Variants in PRKCE observed in about 807,000 individuals in gnomAD.
PRKCE encodes protein kinase C epsilon, also known as protein kinase C epsilon type.
In PRKCE, 16 loss-of-function variants were observed where a neutral mutation model predicts 85.4. The observed-to-expected ratio is 0.19, with a 90% CI of 0.13 to 0.28. The LOEUF is 0.28. Ranked by LOEUF, PRKCE falls within the 10% of genes least tolerant of loss-of-function variation. The pLI is 1.00. For missense variants in PRKCE, 573 were observed against 975.2 expected, an observed-to-expected ratio of 0.59 and a Z score of 5.49; for synonymous variants, 388 against 371.5, an observed-to-expected ratio of 1.04 and a Z score of -0.51.
intron 2 of PRKCE, among the ~76,000 whole-genome samples, chr2:45,945,168 A>G (rs1227486134): frequency 6.6e-6 from 1 of 152,212 alleles, no homozygotes; most frequent in Non-Finnish European, 1.5e-5. Context: ...GTGTGAGTCC[A>G]TTCTTGCCTT....
At chr2:45,842,059 A>G (rs1691395507) in intron 1 of PRKCE, among the ~76,000 whole-genome samples, 2 of 96,116 alleles carry the variant, frequency 2.1e-5, no homozygotes, top group South Asian at 4.1e-4. Context: ...CAGGGTTTCC[A>G]GAGTTACTAC....
intron 1 of PRKCE, among the ~76,000 whole-genome samples, chr2:45,690,794 G>C (rs921981108): frequency 7.2e-5 from 11 of 152,100 alleles, no homozygotes; most frequent in Admixed American, 2.0e-4. Context: ...CTTTTTTAGG[G>C]CTGGACTGGG....
intron 6 of PRKCE, among the ~76,000 whole-genome samples, chr2:45,995,041 G>T (rs1704106245): frequency 6.6e-6 from 1 of 152,178 alleles, no homozygotes; most frequent in Non-Finnish European, 1.5e-5. Context: ...AATGACACAT[G>T]AAGTGGAGCA....
intron 2 of PRKCE, among the ~76,000 whole-genome samples, chr2:45,889,604 G>A (rs1695565266): frequency 6.6e-6 from 1 of 152,226 alleles, no homozygotes; most frequent in African/African-American, 2.4e-5. Flanking sequence ...TCAAATCTGA[G>A]TGTACACCTC....
intron 11 of PRKCE, among the ~76,000 whole-genome samples, chr2:46,106,895 A>G (rs564691405): frequency 6.6e-6 from 1 of 152,350 alleles, no homozygotes; most frequent in African/African-American, 2.4e-5. Context: ...TTAGGTCAGC[A>G]CCTTTCTTCC....
intron 1 of PRKCE, among the ~76,000 whole-genome samples, chr2:45,678,516 A>G (rs535542440): frequency 3.3e-5 from 5 of 151,724 alleles, no homozygotes; most frequent in Admixed American, 6.6e-5. Context: ...TTGTAAGGGC[A>G]TAGAATGAAC....
intron 11 of PRKCE, among the ~76,000 whole-genome samples, chr2:46,090,616 G>A (rs1248759075): frequency 6.6e-6 from 1 of 152,152 alleles, no homozygotes; most frequent in Non-Finnish European, 1.5e-5. Flanking sequence ...GTCTTTGTTT[G>A]AAGCATTTCT....
At chr2:45,660,666 G>C (rs1675595331) in intron 1 of PRKCE, among the ~76,000 whole-genome samples, 1 of 152,216 alleles carries the variant, frequency 6.6e-6, no homozygotes, top group Non-Finnish European at 1.5e-5. Context: ...AATAACTCCA[G>C]AGCAGGCCTG....
chr2:45,830,154 A>G (rs1040410638), intron 1 of PRKCE, among the ~76,000 whole-genome samples: 4 of 152,096 alleles, frequency 2.6e-5, no homozygotes, highest in African/African-American at 9.7e-5. Flanking sequence ...CTAGCAAAGC[A>G]TTGTGGGTAT....
chr2:45,794,649 GTC>G (rs1217313598), intron 1 of PRKCE, among the ~76,000 whole-genome samples: 5 of 152,160 alleles, frequency 3.3e-5, no homozygotes, highest in Non-Finnish European at 7.3e-5. Context: ...ATGTGTGACA[GTC>G]TCTGACCACT....
chr2:45,914,887 T>A, intron 2 of PRKCE, among the ~76,000 whole-genome samples: 1 of 151,604 alleles, frequency 6.6e-6, no homozygotes, highest in East Asian at 1.9e-4. Flanking sequence ...CACTTTCTCT[T>A]ACTATCAACT....
At chr2:45,736,505 G>C (rs77237336) in intron 1 of PRKCE, among the ~76,000 whole-genome samples, 2,944 of 152,248 alleles carry the variant, frequency 0.019, 102 homozygotes, top group African/African-American at 0.068. Flanking sequence ...AGGCAAATTA[G>C]ACGTGGAGCA....
chr2:45,889,208 G>A (rs891020795), intron 2 of PRKCE, among the ~76,000 whole-genome samples: 4 of 152,170 alleles, frequency 2.6e-5, no homozygotes, highest in Non-Finnish European at 4.4e-5. Flanking sequence ...CACGCTGTGG[G>A]GTGTGAGTGC....
intron 1 of PRKCE, among the ~76,000 whole-genome samples, chr2:45,706,246 G>A (rs890936863): frequency 1.3e-5 from 2 of 152,162 alleles, no homozygotes; most frequent in African/African-American, 4.8e-5. Flanking sequence ...GTTGGCAAGA[G>A]AAAGAGGCTG....
chr2:45,793,169 C>T (rs1687165157), intron 1 of PRKCE, among the ~76,000 whole-genome samples: 1 of 152,206 alleles, frequency 6.6e-6, no homozygotes, highest in Non-Finnish European at 1.5e-5. Context: ...GTTGAGTAAA[C>T]AAAATGTCCT....
intron 1 of PRKCE, among the ~76,000 whole-genome samples, chr2:45,805,596 CT>C (rs529307964): frequency 0.03 from 4,246 of 142,526 alleles, 176 homozygotes; most frequent in African/African-American, 0.099. Context: ...TTACCTTCCT[CT>C]TTTTTTTTTT....
At chr2:46,141,042 G>A (rs1164819898) in intron 11 of PRKCE, among the ~76,000 whole-genome samples, 2 of 152,066 alleles carry the variant, frequency 1.3e-5, no homozygotes, top group South Asian at 2.1e-4. Flanking sequence ...TATTGCTGAT[G>A]GACGTATAAA....
chr2:45,688,432 T>G (rs1677471059), intron 1 of PRKCE, among the ~76,000 whole-genome samples: 1 of 152,212 alleles, frequency 6.6e-6, no homozygotes. Flanking sequence ...GATACTGTGT[T>G]AGGTTTTTCT....
chr2:45,854,689 A>G (rs1001877798), intron 2 of PRKCE, among the ~76,000 whole-genome samples: 1 of 152,226 alleles, frequency 6.6e-6, no homozygotes, highest in Non-Finnish European at 1.5e-5. Context: ...GCGTGAGTCC[A>G]TGAGAAAGTT....
Sources: gnomAD v4.1 joint callset for allele counts (sites outside exome capture counted in the v4.1 genomes callset) on GRCh38, gnomAD v4.1.1 for gene constraint, MANE v1.5 for transcripts, NCBI Gene and HGNC (gene_info 2026-07-23, HGNC 2026-07-21) for gene names.